Variants in BMAL2 observed in about 807,000 individuals in gnomAD.
BMAL2 encodes basic helix-loop-helix ARNT-like protein 2.
chr12:27,353,712 A>G, the BMAL2 span, among the ~76,000 whole-genome samples: 1 of 152,174 alleles, frequency 6.6e-6, no homozygotes, highest in Admixed American at 6.5e-5. Flanking sequence ...TAAAGAACTT[A>G]AACAAATCAA....
chr12:27,377,257 C>G, the BMAL2 span, among the ~76,000 whole-genome samples: 1 of 152,220 alleles, frequency 6.6e-6, no homozygotes, highest in Non-Finnish European at 1.5e-5. Context: ...GAGCTAGCCT[C>G]TGGATAAATA....
the BMAL2 span, among the ~76,000 whole-genome samples, chr12:27,363,320 A>G: frequency 6.6e-6 from 1 of 152,228 alleles, no homozygotes; most frequent in East Asian, 1.9e-4. Flanking sequence ...ATACACAGTA[A>G]GAGTTTTCCA....
chr12:27,385,684 C>T, the BMAL2 span: 532 of 602,058 alleles, frequency 8.8e-4, 1 homozygote, highest in South Asian at 1.7e-3. Flanking sequence ...ACCGTATTTC[C>T]TTTAATATAG....
chr12:27,397,035 A>C, the BMAL2 span, among the ~76,000 whole-genome samples: 3 of 151,922 alleles, frequency 2.0e-5, no homozygotes, highest in Admixed American at 6.6e-5. Context: ...AACCAGTGGA[A>C]TTCACTGTGG....
chr12:27,363,518 A>G, the BMAL2 span, among the ~76,000 whole-genome samples: 1 of 152,190 alleles, frequency 6.6e-6, no homozygotes, highest in Non-Finnish European at 1.5e-5. Flanking sequence ...GCCATCATAT[A>G]TTAGTATATC....
chr12:27,408,819 T>C, the BMAL2 span, among the ~76,000 whole-genome samples: 2 of 152,214 alleles, frequency 1.3e-5, no homozygotes, highest in South Asian at 2.1e-4. Context: ...TGTTTGCAGA[T>C]GACATGATTG....
chr12:27,405,966 T>C, the BMAL2 span, among the ~76,000 whole-genome samples: 1 of 152,128 alleles, frequency 6.6e-6, no homozygotes, highest in African/African-American at 2.4e-5. Flanking sequence ...CAGTAGCCAA[T>C]TCGATCAACT....
chr12:27,370,279 G>A, the BMAL2 span: 1 of 1,384,782 alleles, frequency 7.2e-7, no homozygotes, highest in Non-Finnish European at 1.0e-6. Flanking sequence ...CTTGAAGAGG[G>A]CATAGAGTGG....
At chr12:27,379,671 G>A in the BMAL2 span, among the ~76,000 whole-genome samples, 1 of 152,126 alleles carries the variant, frequency 6.6e-6, no homozygotes, top group South Asian at 2.1e-4. Flanking sequence ...TGGGGCAGGG[G>A]TTGTGGAAGG....
chr12:27,401,431 A>G, the BMAL2 span: 1 of 1,552,472 alleles, frequency 6.4e-7, no homozygotes, highest in Non-Finnish European at 8.8e-7. Flanking sequence ...TTAATTTCCC[A>G]TTCCTGTGAA....
At chr12:27,344,537 G>A in the BMAL2 span, among the ~76,000 whole-genome samples, 19 of 152,332 alleles carry the variant, frequency 1.2e-4, no homozygotes, top group South Asian at 1.4e-3. Flanking sequence ...CTGAACTCCA[G>A]CACAGACGGA....
chr12:27,391,968 GT>G, the BMAL2 span, among the ~76,000 whole-genome samples: 1 of 152,208 alleles, frequency 6.6e-6, no homozygotes, highest in East Asian at 1.9e-4. Flanking sequence ...AATCCAACCA[GT>G]GGGGATCAGA....
At chr12:27,415,908 A>AT in the BMAL2 span, 2 of 1,608,294 alleles carry the variant, frequency 1.2e-6, no homozygotes, top group South Asian at 2.2e-5. Context: ...CGAGTCCAAC[A>AT]GGTTTAATGA....
the BMAL2 span, among the ~76,000 whole-genome samples, chr12:27,392,940 C>G: frequency 6.6e-6 from 1 of 152,036 alleles, no homozygotes; most frequent in Non-Finnish European, 1.5e-5. Flanking sequence ...TGCCCCCTAC[C>G]CCATCATCTT....
chr12:27,371,655 A>G, the BMAL2 span, among the ~76,000 whole-genome samples: 2 of 152,170 alleles, frequency 1.3e-5, no homozygotes, highest in East Asian at 1.9e-4. Flanking sequence ...GATCAGATTT[A>G]TATTTTTTAA....
chr12:27,418,163 A>C, the BMAL2 span: 1 of 1,613,430 alleles, frequency 6.2e-7, no homozygotes, highest in Non-Finnish European at 8.5e-7. Context: ...AAACCAGAGT[A>C]CTGTTGCTGT....
At chr12:27,412,818 T>A in the BMAL2 span, among the ~76,000 whole-genome samples, 1 of 151,856 alleles carries the variant, frequency 6.6e-6, no homozygotes, top group Non-Finnish European at 1.5e-5. Context: ...TGTAAAGAGA[T>A]CTTCACCAAG....
At chr12:27,355,942 T>C in the BMAL2 span, among the ~76,000 whole-genome samples, 1 of 152,076 alleles carries the variant, frequency 6.6e-6, no homozygotes, top group Admixed American at 6.5e-5. Flanking sequence ...TCCTCAGGAC[T>C]TCCCTTTTAG....
the BMAL2 span, among the ~76,000 whole-genome samples, chr12:27,390,948 C>T: frequency 2.0e-5 from 3 of 152,098 alleles, no homozygotes; most frequent in Admixed American, 6.6e-5. Flanking sequence ...AAGTTTTGGT[C>T]GGAATCTTTT....
Sources: allele counts gnomAD v4.1 joint callset (sites outside exome capture counted in the v4.1 genomes callset), GRCh38; gene constraint gnomAD v4.1.1; transcripts MANE v1.5; gene names NCBI Gene and HGNC (gene_info 2026-07-23, HGNC 2026-07-21).